The following IGF2BP2 variants were observed in gnomAD, a reference collection of about 807,000 sequenced individuals.
The protein encoded by IGF2BP2 is insulin-like growth factor 2 mRNA-binding protein 2.
Under a neutral mutation model 75.8 loss-of-function variants are expected in IGF2BP2, and 17 were observed. That is an observed-to-expected ratio of 0.22 (90% CI 0.15 to 0.34). IGF2BP2 has a LOEUF of 0.34. IGF2BP2 is among the 10% of genes least tolerant of loss of function. The pLI is 1.00. For missense variants in IGF2BP2, 516 were observed against 772.4 expected, an observed-to-expected ratio of 0.67 and a Z score of 3.93; for synonymous variants, 288 against 295.6, an observed-to-expected ratio of 0.97 and a Z score of 0.26.
At chr3:185,658,770 G>A (rs1715902724) in intron 10 of IGF2BP2, among the ~76,000 whole-genome samples, 1 of 152,224 alleles carries the variant, frequency 6.6e-6, no homozygotes, top group African/African-American at 2.4e-5. Flanking sequence ...CTCGGGTGGA[G>A]AGGCGGGGCC....
At chr3:185,772,575 CTCTT>C (rs1291715113) in intron 2 of IGF2BP2, among the ~76,000 whole-genome samples, 24 of 144,376 alleles carry the variant, frequency 1.7e-4, no homozygotes, top group African/African-American at 4.5e-4. Flanking sequence ...TCCCTTCTCT[CTCTT>C]TTTTTTTTTT....
chr3:185,691,128 C>T (rs879701434), intron 5 of IGF2BP2, among the ~76,000 whole-genome samples: 3 of 152,054 alleles, frequency 2.0e-5, no homozygotes, highest in Admixed American at 2.0e-4. Context: ...GACAGAGTTT[C>T]GCCCTTATTG....
intron 11 of IGF2BP2, 99 bp downstream of exon 11, chr3:185,658,242 G>C: frequency 8.6e-7 from 1 of 1,156,342 alleles, no homozygotes; most frequent in Non-Finnish European, 1.3e-6. Context: ...AACCACAGGA[G>C]ACAAGATCTG....
intron 10 of IGF2BP2, among the ~76,000 whole-genome samples, chr3:185,665,545 GAGA>G (rs1717396176): frequency 7.4e-6 from 1 of 134,310 alleles, no homozygotes; most frequent in African/African-American, 2.8e-5. Context: ...GGAGGAGGAG[GAGA>G]AGGAGGAGGA....
chr3:185,805,045 A>G (rs1475137116), intron 2 of IGF2BP2, among the ~76,000 whole-genome samples: 2 of 151,978 alleles, frequency 1.3e-5, no homozygotes, highest in East Asian at 1.9e-4. Flanking sequence ...ACTGAACAAC[A>G]TCCACCAATG....
intron 2 of IGF2BP2, among the ~76,000 whole-genome samples, chr3:185,700,483 C>G (rs1723141686): frequency 6.6e-6 from 1 of 152,140 alleles, no homozygotes; most frequent in African/African-American, 2.4e-5. Context: ...GCTGTGAAGG[C>G]TAATTCCCGA....
chr3:185,671,498 C>A (rs1718496092), intron 10 of IGF2BP2, among the ~76,000 whole-genome samples: 1 of 144,502 alleles, frequency 6.9e-6, no homozygotes, highest in Non-Finnish European at 1.5e-5. Context: ...GATCGCGCCA[C>A]TGCACTCCAG....
At chr3:185,822,796 T>A (rs374388521) in intron 2 of IGF2BP2, among the ~76,000 whole-genome samples, 2 of 148,730 alleles carry the variant, frequency 1.3e-5, no homozygotes, top group African/African-American at 2.5e-5. Context: ...ACTCTTCACA[T>A]CTCACAGGAA....
intron 3 of IGF2BP2, among the ~76,000 whole-genome samples, chr3:185,697,876 G>A (rs1324378580): frequency 6.6e-6 from 1 of 152,114 alleles, no homozygotes. Context: ...CAGCTACTCA[G>A]GAGGCTGGGG....
At position 185,824,936 on chromosome 3, in the gene IGF2BP2, T is replaced by C; in HGVS notation, c.25A>G (p.Asn9Asp). The C allele has an allele frequency of 6.4e-7, 1 of 1,555,004 alleles. No individual in the cohort carries two copies. Among genetic ancestry groups the C allele is most frequent in the Non-Finnish European group, 8.7e-7 (1 of 1,146,664 alleles). The change falls in exon 1 of 16, where the codon AAC becomes GAC. Residue 9 changes from asparagine (N) to aspartate (D), a missense_variant. This residue lies in a region of IGF2BP2 where 312 missense variants were observed against 474.5 expected (regional missense o/e 0.66). Transcript: ENST00000382199. ...TCGGCGGTGACGGCGGGGCTCAGGT[T>C]CCCGATGTAAAGCTTGTTCATCATC... MMNKLYIGNLSPAVTADDL... is the reference protein window; with the variant it reads MMNKLYIGDLSPAVTADDL...
At chr3:185,672,776 AGCTCTGCCCAG>A in intron 9 of IGF2BP2, 107 bp from the exon 10 acceptor site, 1 of 1,247,242 alleles carries the variant, frequency 8.0e-7, no homozygotes, top group East Asian at 2.5e-5. Context: ...TCTCCTAATC[AGCTCTGCCCAG>A]GCTCTTCCTA....
At chr3:185,675,542 C>T (rs1275592112) in intron 8 of IGF2BP2, 111 bp from the exon 9 acceptor site, 1 of 1,252,022 alleles carries the variant, frequency 8.0e-7, no homozygotes, top group Admixed American at 2.4e-5. Flanking sequence ...GACTCAATTC[C>T]CTCCCAACAC....
intron 14 of IGF2BP2, among the ~76,000 whole-genome samples, chr3:185,648,823 T>C (rs1714061741): frequency 6.6e-6 from 1 of 152,100 alleles, no homozygotes; most frequent in Non-Finnish European, 1.5e-5. Context: ...TTGCCCACCC[T>C]CCTACTGCTA....
rs576546056 is a variant in IGF2BP2, at chr3:185,708,522, T to C, written c.240-10175A>G. On this transcript the variant is annotated intron_variant, in intron 2 of 15. Transcript: ENST00000382199. Reference sequence around the variant, plus strand: ...ATGCCCTTTAGAGGGGTGATAAAGGTATTAACTGTAAACTCCTTCATGAAT... The same window carrying C: ...ATGCCCTTTAGAGGGGTGATAAAGGCATTAACTGTAAACTCCTTCATGAAT... 5.9e-4 allele frequency among the ~76,000 whole-genome samples: 89 copies of C among 152,134 alleles called. 2 individuals are homozygous for C. In the South Asian group the frequency reaches 0.012, roughly 21 times the overall value.
At chr3:185,816,372 CTCTATT>C (rs958084960) in intron 2 of IGF2BP2, among the ~76,000 whole-genome samples, 9 of 152,170 alleles carry the variant, frequency 5.9e-5, no homozygotes, top group South Asian at 2.1e-4. Flanking sequence ...TTAAAATTAC[CTCTATT>C]TCTAACTATT....
At chr3:185,708,382 A>T (rs945904936) in intron 2 of IGF2BP2, among the ~76,000 whole-genome samples, 2 of 152,174 alleles carry the variant, frequency 1.3e-5, no homozygotes, top group African/African-American at 4.8e-5. Flanking sequence ...TTTCCTTCTC[A>T]GCATCAACCG....
intron 2 of IGF2BP2, among the ~76,000 whole-genome samples, chr3:185,822,364 G>C (rs140420305): frequency 6.6e-6 from 1 of 152,188 alleles, no homozygotes; most frequent in East Asian, 1.9e-4. Flanking sequence ...TTTAGAATGA[G>C]TAATAAAGGG....
chr3:185,778,199 G>C (rs1417980930), intron 2 of IGF2BP2, among the ~76,000 whole-genome samples: 1 of 152,132 alleles, frequency 6.6e-6, no homozygotes, highest in Non-Finnish European at 1.5e-5. Context: ...CGTCTTGGCA[G>C]CTCAGGGCAC....
intron 2 of IGF2BP2, among the ~76,000 whole-genome samples, chr3:185,702,375 C>T (rs568910557): frequency 1.1e-3 from 174 of 152,182 alleles, no homozygotes; most frequent in African/African-American, 4.0e-3. Context: ...AGGAAAGTAT[C>T]TGGCTCAGTC....
Sources: allele counts gnomAD v4.1 joint callset (sites outside exome capture counted in the v4.1 genomes callset), GRCh38; gene constraint gnomAD v4.1.1; regional missense constraint gnomAD v4.1.1; transcripts MANE v1.5; gene names NCBI Gene and HGNC (gene_info 2026-07-23, HGNC 2026-07-21).